LOC128125817: variants seen among roughly 807,000 people sequenced by gnomAD.
the LOC128125817 span, among the ~76,000 whole-genome samples, chr1:41,623,310 G>T: frequency 6.6e-6 from 1 of 152,220 alleles, no homozygotes; most frequent in African/African-American, 2.4e-5. Flanking sequence ...AAACAAGGCT[G>T]CCCCTCTCCA....
At chr1:41,596,380 CATAG>C in the LOC128125817 span, among the ~76,000 whole-genome samples, 11 of 152,208 alleles carry the variant, frequency 7.2e-5, no homozygotes, top group African/African-American at 2.7e-4. Flanking sequence ...ACCTAGAGTC[CATAG>C]ATAGCCTGTG....
the LOC128125817 span, among the ~76,000 whole-genome samples, chr1:41,619,559 G>A: frequency 6.6e-6 from 1 of 152,198 alleles, no homozygotes; most frequent in African/African-American, 2.4e-5. Context: ...GGCCCCTTAT[G>A]TCTAAGTAGG....
the LOC128125817 span, among the ~76,000 whole-genome samples, chr1:41,605,443 G>A: frequency 2.6e-5 from 4 of 151,416 alleles, no homozygotes; most frequent in Non-Finnish European, 5.9e-5. Context: ...CCAGTACAGC[G>A]GTACACTTCT....
At chr1:41,587,928 C>T in the LOC128125817 span, among the ~76,000 whole-genome samples, 5 of 152,284 alleles carry the variant, frequency 3.3e-5, no homozygotes, top group East Asian at 5.8e-4. Flanking sequence ...GCTGTATCCA[C>T]GGCAAGAGGG....
the LOC128125817 span, among the ~76,000 whole-genome samples, chr1:41,599,825 T>C: frequency 6.6e-6 from 1 of 152,104 alleles, no homozygotes; most frequent in Non-Finnish European, 1.5e-5. Context: ...AAATCATATA[T>C]CTGATAAGGG....
At chr1:41,625,696 C>T in the LOC128125817 span, among the ~76,000 whole-genome samples, 54 of 152,184 alleles carry the variant, frequency 3.5e-4, no homozygotes, top group Middle Eastern at 3.4e-3. Context: ...GATCACACCA[C>T]TATACTCTAG....
At chr1:41,588,721 G>A in the LOC128125817 span, among the ~76,000 whole-genome samples, 1 of 152,200 alleles carries the variant, frequency 6.6e-6, no homozygotes, top group Non-Finnish European at 1.5e-5. Context: ...TTGGCTGCCA[G>A]GGCGCAGAGT....
chr1:41,608,678 A>G, the LOC128125817 span, among the ~76,000 whole-genome samples: 1 of 152,150 alleles, frequency 6.6e-6, no homozygotes, highest in African/African-American at 2.4e-5. Context: ...TGTCTGTGCA[A>G]TCTCATGGGC....
the LOC128125817 span, among the ~76,000 whole-genome samples, chr1:41,605,294 G>T: frequency 6.6e-6 from 1 of 151,588 alleles, no homozygotes; most frequent in Non-Finnish European, 1.5e-5. Flanking sequence ...CTCCGAAGGG[G>T]CATGAAGCAG....
At chr1:41,606,214 C>T in the LOC128125817 span, among the ~76,000 whole-genome samples, 4 of 151,878 alleles carry the variant, frequency 2.6e-5, no homozygotes, top group Admixed American at 2.6e-4. Flanking sequence ...TTTGGTGGTT[C>T]TGGCAGTTGC....
the LOC128125817 span, among the ~76,000 whole-genome samples, chr1:41,613,265 G>C: frequency 6.6e-6 from 1 of 152,262 alleles, no homozygotes. Flanking sequence ...TTCCAGCCCA[G>C]GCCACTCACA....
the LOC128125817 span, among the ~76,000 whole-genome samples, chr1:41,611,561 C>G: frequency 6.6e-6 from 1 of 152,370 alleles, no homozygotes; most frequent in South Asian, 2.1e-4. Context: ...GGCACACATT[C>G]AACAAAGAGT....
chr1:41,601,624 ATTAG>A, the LOC128125817 span, among the ~76,000 whole-genome samples: 1 of 152,116 alleles, frequency 6.6e-6, no homozygotes, highest in Admixed American at 6.5e-5. Context: ...AAATTTGTTA[ATTAG>A]TTCTAATACT....
At chr1:41,598,058 C>G in the LOC128125817 span, among the ~76,000 whole-genome samples, 3,622 of 152,314 alleles carry the variant, frequency 0.024, 67 homozygotes, top group Middle Eastern at 0.082. Context: ...CATCTATGAA[C>G]TTAACTCAAC....
At chr1:41,594,513 C>G in the LOC128125817 span, among the ~76,000 whole-genome samples, 8 of 152,160 alleles carry the variant, frequency 5.3e-5, no homozygotes, top group Non-Finnish European at 1.2e-4. Context: ...TGAGCCACCC[C>G]GCCTGGCCGA....
chr1:41,595,163 G>A, the LOC128125817 span, among the ~76,000 whole-genome samples: 1 of 152,346 alleles, frequency 6.6e-6, no homozygotes, highest in African/African-American at 2.4e-5. Context: ...ATTTGGGGAA[G>A]CTGATGAAAT....
At chr1:41,602,470 C>G in the LOC128125817 span, among the ~76,000 whole-genome samples, 1 of 152,012 alleles carries the variant, frequency 6.6e-6, no homozygotes, top group South Asian at 2.1e-4. Flanking sequence ...ATAATTTAGT[C>G]TTGTATTTTT....
At chr1:41,601,509 T>C in the LOC128125817 span, among the ~76,000 whole-genome samples, 1 of 152,154 alleles carries the variant, frequency 6.6e-6, no homozygotes, top group South Asian at 2.1e-4. Flanking sequence ...TTAGGTGTTA[T>C]TATAAGTGAC....
chr1:41,618,564 G>A, the LOC128125817 span, among the ~76,000 whole-genome samples: 1 of 152,094 alleles, frequency 6.6e-6, no homozygotes, highest in African/African-American at 2.4e-5. Flanking sequence ...GCAACCCTTT[G>A]CCTGGGTGCC....
Sources: gnomAD v4.1 joint callset for allele counts (sites outside exome capture counted in the v4.1 genomes callset) on GRCh38, gnomAD v4.1.1 for gene constraint, MANE v1.5 for transcripts.